Variants in CPQ observed in about 807,000 individuals in gnomAD.
CPQ encodes Ser-Met dipeptidase.
In CPQ, 37 loss-of-function variants were observed where a neutral mutation model predicts 45.7. That is an observed-to-expected ratio of 0.81 (90% CI 0.62 to 1.07). The LOEUF (loss-of-function observed/expected upper bound fraction) is 1.07. Among genes scored for constraint, CPQ ranks in the 50% least tolerant of loss-of-function variants. The pLI, the probability that CPQ is intolerant of heterozygous loss-of-function variation, is 0.00. For missense variants in CPQ, 537 were observed against 572.9 expected (o/e 0.94, Z 0.64); for synonymous variants, 186 against 205.8 (o/e 0.90, Z 0.82).
At chr8:96,834,332 G>T (rs141277428) in intron 2 of CPQ, among the ~76,000 whole-genome samples, 81 of 152,280 alleles carry the variant, frequency 5.3e-4, no homozygotes, top group African/African-American at 1.9e-3. Flanking sequence ...GATGTGTTTG[G>T]TGATGAACAA....
chr8:96,962,334 A>C (rs1015606892), intron 4 of CPQ, among the ~76,000 whole-genome samples: 1 of 152,154 alleles, frequency 6.6e-6, no homozygotes, highest in Non-Finnish European at 1.5e-5. Context: ...GATGATGGTG[A>C]AAAGGAAGTT....
At chr8:96,787,246 G>A (rs946509432) in intron 2 of CPQ, among the ~76,000 whole-genome samples, 1 of 151,980 alleles carries the variant, frequency 6.6e-6, no homozygotes, top group Non-Finnish European at 1.5e-5. Flanking sequence ...TTTGTATATG[G>A]TATAAGATAA....
chr8:96,924,401 A>AT (rs2130913282), intron 4 of CPQ, among the ~76,000 whole-genome samples: 1 of 152,332 alleles, frequency 6.6e-6, no homozygotes, highest in Admixed American at 6.5e-5. Context: ...TTTTCAGCAG[A>AT]TTTATGCAGA....
At chr8:96,964,788 T>G (rs1014760259) in intron 4 of CPQ, among the ~76,000 whole-genome samples, 1 of 152,184 alleles carries the variant, frequency 6.6e-6, no homozygotes, top group Non-Finnish European at 1.5e-5. Flanking sequence ...CTACTCCAAA[T>G]TGGTGAAGTT....
intron 1 of CPQ, among the ~76,000 whole-genome samples, chr8:96,668,981 CAG>C (rs1438822822): frequency 1.3e-5 from 2 of 152,082 alleles, no homozygotes; most frequent in African/African-American, 2.4e-5. Context: ...TGCAAACAAA[CAG>C]AAAAAATTGT....
chr8:96,812,591 A>G (rs940698879), intron 2 of CPQ, among the ~76,000 whole-genome samples: 1 of 152,086 alleles, frequency 6.6e-6, no homozygotes, highest in Non-Finnish European at 1.5e-5. Flanking sequence ...AGTTCCAAAT[A>G]TAAAACTGGA....
At chr8:97,050,108 C>G (rs1810333494) in intron 6 of CPQ, among the ~76,000 whole-genome samples, 1 of 152,156 alleles carries the variant, frequency 6.6e-6, no homozygotes, top group Admixed American at 6.6e-5. Context: ...GCTGGCTACA[C>G]CAGTCTTTGC....
chr8:96,827,698 G>GCCAATATTATTGTGATT (rs1811397477), intron 2 of CPQ, among the ~76,000 whole-genome samples: 1 of 152,022 alleles, frequency 6.6e-6, no homozygotes, highest in African/African-American at 2.4e-5. Context: ...GCCTGGTGAT[G>GCCAATATTATTGTGATT]CCAATATTAT....
intron 1 of CPQ, among the ~76,000 whole-genome samples, chr8:96,733,526 A>G (rs1809941061): frequency 6.6e-6 from 1 of 152,224 alleles, no homozygotes; most frequent in African/African-American, 2.4e-5. Context: ...TTAATAGTGA[A>G]TACATGGTTC....
At chr8:96,770,782 T>C (rs1208106057) in intron 1 of CPQ, among the ~76,000 whole-genome samples, 2 of 148,330 alleles carry the variant, frequency 1.3e-5, no homozygotes, top group Non-Finnish European at 3.0e-5. Flanking sequence ...TTATGCCTTC[T>C]AAAAATGTAG....
At chr8:96,712,757 G>C (rs1809628699) in intron 1 of CPQ, among the ~76,000 whole-genome samples, 1 of 152,132 alleles carries the variant, frequency 6.6e-6, no homozygotes, top group African/African-American at 2.4e-5. Flanking sequence ...GTAATAGTAG[G>C]GGCTGCCATG....
At chr8:97,120,359 T>C (rs542102857) in intron 7 of CPQ, among the ~76,000 whole-genome samples, 1 of 151,574 alleles carries the variant, frequency 6.6e-6, no homozygotes, top group Admixed American at 6.6e-5. Flanking sequence ...TTTACAAGCT[T>C]ATTCACTGCC....
At position 96,704,261 on chromosome 8, in the gene CPQ, T is replaced by G. The variant is rs1211052408; in HGVS notation, c.-35+58859T>G. Among the ~76,000 whole-genome samples the G allele has an allele frequency of 7.2e-5, 11 of 152,186 alleles. No homozygotes were observed. In the East Asian group the frequency reaches 1.9e-3, roughly 27 times the overall value. ...TATCTTGCCTTTTTGCTCATTTGCTTATTGTCTGTCTCCCCTCATGACAAA... is the reference window on the plus strand; with the variant it reads ...TATCTTGCCTTTTTGCTCATTTGCTGATTGTCTGTCTCCCCTCATGACAAA... On this transcript the variant is annotated intron_variant, in intron 1 of 7. Transcript: ENST00000220763.
At chr8:96,921,650 G>GACTTCTTGA (rs1812809600) in intron 4 of CPQ, among the ~76,000 whole-genome samples, 1 of 152,120 alleles carries the variant, frequency 6.6e-6, no homozygotes, top group African/African-American at 2.4e-5. Flanking sequence ...GAGCCAGGGA[G>GACTTCTTGA]GTCTTCCCAT....
chr8:96,920,292 G>A (rs1178604344), intron 4 of CPQ, among the ~76,000 whole-genome samples: 1 of 152,212 alleles, frequency 6.6e-6, no homozygotes, highest in Non-Finnish European at 1.5e-5. Context: ...GAAAGATTGT[G>A]TTCTAGCACC....
intron 7 of CPQ, among the ~76,000 whole-genome samples, chr8:97,067,818 T>G (rs1299933199): frequency 6.6e-6 from 1 of 152,220 alleles, no homozygotes; most frequent in African/African-American, 2.4e-5. Context: ...CAATACTATC[T>G]ACATATGTGT....
At chr8:96,699,361 G>A (rs772134264) in intron 1 of CPQ, among the ~76,000 whole-genome samples, 2 of 152,078 alleles carry the variant, frequency 1.3e-5, no homozygotes, top group Non-Finnish European at 2.9e-5. Context: ...GGTGGGAAGT[G>A]AGAATGGTTA....
chr8:96,793,777 C>A (rs921070711), intron 2 of CPQ, among the ~76,000 whole-genome samples: 1 of 152,126 alleles, frequency 6.6e-6, no homozygotes, highest in Non-Finnish European at 1.5e-5. Flanking sequence ...GGGGTACAGG[C>A]ATTGGGTAAA....
At chr8:96,655,146 T>G (rs1182293324) in intron 1 of CPQ, among the ~76,000 whole-genome samples, 1 of 152,130 alleles carries the variant, frequency 6.6e-6, no homozygotes, top group Non-Finnish European at 1.5e-5. Context: ...TCTGTTTCCT[T>G]TTAAAATATA....
Sources: gnomAD v4.1 joint callset for allele counts (sites outside exome capture counted in the v4.1 genomes callset) on GRCh38, gnomAD v4.1.1 for gene constraint, MANE v1.5 for transcripts, NCBI Gene and HGNC (gene_info 2026-07-23, HGNC 2026-07-21) for gene names.